COMMD1: variants seen among roughly 807,000 people sequenced by gnomAD.
COMMD1 encodes COMM domain-containing protein 1.
In COMMD1, 10 loss-of-function variants were observed where a neutral mutation model predicts 17.2. That is an observed-to-expected ratio of 0.58 (90% CI 0.36 to 0.99). The LOEUF is 0.99. Ranked by LOEUF, COMMD1 falls within the 50% of genes least tolerant of loss-of-function variation. COMMD1 has a pLI of 0.01. For synonymous variants in COMMD1, 97 were observed against 91.6 expected (o/e 1.06, Z -0.34); for missense variants, 270 against 231.8 (o/e 1.17, Z -1.07).
chr2:62,063,868 A>ATATATATATAT (rs1670947199), intron 2 of COMMD1, among the ~76,000 whole-genome samples: 2 of 81,176 alleles, frequency 2.5e-5, no homozygotes, highest in African/African-American at 9.8e-5. Flanking sequence ...GTCTCTACAA[A>ATATATATATAT]ATATATATAT....
chr2:62,103,599 C>T (rs1181438888), intron 2 of COMMD1, among the ~76,000 whole-genome samples: 2 of 152,198 alleles, frequency 1.3e-5, no homozygotes, highest in Non-Finnish European at 2.9e-5. Context: ...TTGCTTTCAA[C>T]TTTTAGTTAA....
chr2:61,969,507 G>A (rs1558541633), intron 1 of COMMD1, among the ~76,000 whole-genome samples: 1 of 152,198 alleles, frequency 6.6e-6, no homozygotes, highest in Non-Finnish European at 1.5e-5. Flanking sequence ...TACACATTAT[G>A]ACATAGCACG....
At chr2:62,086,076 G>A (rs1671660945) in intron 2 of COMMD1, among the ~76,000 whole-genome samples, 1 of 152,182 alleles carries the variant, frequency 6.6e-6, no homozygotes, top group African/African-American at 2.4e-5. Flanking sequence ...AAAGGTGTGT[G>A]GGGGTTGAGG....
chr2:62,041,533 G>A (rs913834457), intron 2 of COMMD1, among the ~76,000 whole-genome samples: 4 of 152,142 alleles, frequency 2.6e-5, no homozygotes, highest in Non-Finnish European at 4.4e-5. Context: ...AGCCTCCCAA[G>A]TAGCTGGGCA....
intron 1 of COMMD1, among the ~76,000 whole-genome samples, chr2:61,959,349 T>C (rs1671280785): frequency 6.6e-6 from 1 of 152,330 alleles, no homozygotes; most frequent in African/African-American, 2.4e-5. Flanking sequence ...GAAACCTTAA[T>C]AGTATATATA....
intron 2 of COMMD1, among the ~76,000 whole-genome samples, chr2:62,073,001 G>T (rs1013450127): frequency 6.6e-6 from 1 of 152,248 alleles, no homozygotes; most frequent in Non-Finnish European, 1.5e-5. Context: ...GCCAGGCCGA[G>T]TGGGGAAAGC....
intron 1 of COMMD1, among the ~76,000 whole-genome samples, chr2:61,963,250 CAT>C (rs1671414469): frequency 6.6e-6 from 1 of 151,004 alleles, no homozygotes; most frequent in African/African-American, 2.4e-5. Flanking sequence ...CACACACACA[CAT>C]ATATATTTGT....
rs201295639 is a variant in COMMD1, at chr2:61,892,869, CT to C, written n.119+4036del. On this transcript the variant is annotated intron_variant and non_coding_transcript_variant, in intron 1 of 2. Coordinates refer to the COMMD1 transcript ENST00000472729. ...CCTAAGCCTTACTGTTTGCATCGTTCTTTTTTTTTCCCCCCTGAAACGGAGT... is the reference window on the plus strand; with the variant it reads ...CCTAAGCCTTACTGTTTGCATCGTTCTTTTTTTTCCCCCCTGAAACGGAGT... 4.7e-3 allele frequency among the ~76,000 whole-genome samples: 712 copies of C among 151,060 alleles called. 17 individuals are homozygous for C. Among genetic ancestry groups the C allele is most frequent in the African/African-American group, 0.014 (562 of 40,956 alleles).
At chr2:62,041,830 T>C (rs2103896961) in intron 2 of COMMD1, among the ~76,000 whole-genome samples, 1 of 152,286 alleles carries the variant, frequency 6.6e-6, no homozygotes, top group Middle Eastern at 3.4e-3. Context: ...TCTCGCTGGC[T>C]TCAGGAGTCA....
intron 1 of COMMD1, among the ~76,000 whole-genome samples, chr2:61,970,915 T>C (rs1410518272): frequency 6.6e-6 from 1 of 152,170 alleles, no homozygotes; most frequent in Non-Finnish European, 1.5e-5. Flanking sequence ...ATTTGTTTTT[T>C]TTGTTTGTCT....
chr2:61,889,639 G>T (rs1669373671), intron 1 of COMMD1, among the ~76,000 whole-genome samples: 1 of 151,958 alleles, frequency 6.6e-6, no homozygotes, highest in East Asian at 1.9e-4. Context: ...ATGCAGTTTT[G>T]TTCATTTTGA....
chr2:61,961,498 G>A (rs1671342634), intron 1 of COMMD1, among the ~76,000 whole-genome samples: 1 of 152,010 alleles, frequency 6.6e-6, no homozygotes, highest in Non-Finnish European at 1.5e-5. Flanking sequence ...CAGCTGATTT[G>A]GAATATATAT....
intron 1 of COMMD1, among the ~76,000 whole-genome samples, chr2:61,894,487 T>TA (rs1669509619): frequency 6.6e-6 from 1 of 151,964 alleles, no homozygotes; most frequent in African/African-American, 2.4e-5. Flanking sequence ...TAGATCCAAC[T>TA]ACCAATGTAT....
At chr2:61,984,586 G>C (rs1255636256) in intron 1 of COMMD1, among the ~76,000 whole-genome samples, 1 of 152,112 alleles carries the variant, frequency 6.6e-6, no homozygotes, top group African/African-American at 2.4e-5. Context: ...CATATGATCT[G>C]TCCTGGAGAC....
intron 2 of COMMD1, among the ~76,000 whole-genome samples, chr2:62,067,181 T>C (rs963467977): frequency 2.0e-5 from 3 of 150,522 alleles, no homozygotes; most frequent in African/African-American, 7.4e-5. Context: ...GCAGAGATGG[T>C]GCCACTGCAT....
intron 1 of COMMD1, among the ~76,000 whole-genome samples, chr2:61,920,029 A>G (rs1297609134): frequency 6.6e-6 from 1 of 152,172 alleles, no homozygotes; most frequent in Non-Finnish European, 1.5e-5. Flanking sequence ...CTCAGGAGGC[A>G]GGAGGCCAAG....
At chr2:62,063,265 G>A (rs147997147) in intron 2 of COMMD1, among the ~76,000 whole-genome samples, 1 of 152,180 alleles carries the variant, frequency 6.6e-6, no homozygotes, top group East Asian at 1.9e-4. Context: ...GGTTGTGGTG[G>A]TGCACGCCTG....
At chr2:62,135,354 CTT>C (rs375207929) in intron 2 of COMMD1, among the ~76,000 whole-genome samples, 8 of 144,306 alleles carry the variant, frequency 5.5e-5, no homozygotes, top group Admixed American at 7.0e-5. Flanking sequence ...CATAAAAGCA[CTT>C]TTTTTTTTTT....
chr2:62,088,618 T>C (rs952064483), intron 2 of COMMD1, among the ~76,000 whole-genome samples: 5 of 152,344 alleles, frequency 3.3e-5, no homozygotes, highest in African/African-American at 4.8e-5. Context: ...CTACCCTAGA[T>C]CAAGTCCTCT....
Sources: allele counts gnomAD v4.1 joint callset (sites outside exome capture counted in the v4.1 genomes callset), GRCh38; gene constraint gnomAD v4.1.1; transcripts MANE v1.5; gene names NCBI Gene and HGNC (gene_info 2026-07-23, HGNC 2026-07-21).